Variants in RBFOX1 observed in about 807,000 individuals in gnomAD.
The protein encoded by RBFOX1 is RNA binding fox-1 homolog 1.
RBFOX1 carries 8 observed loss-of-function variants against 57.7 expected under a neutral mutation model. The observed-to-expected ratio is 0.14, with a 90% CI of 0.08 to 0.25. The LOEUF is 0.25. RBFOX1 is among the 10% of genes least tolerant of loss of function. The probability of loss-of-function intolerance (pLI) is 1.00; values close to 1 mark genes in which losing one functional copy is unlikely to be tolerated. For synonymous variants in RBFOX1, 326 were observed against 222.4 expected (o/e 1.47, Z -4.15); for missense variants, 611 against 548.5 (o/e 1.11, Z -1.14).
chr16:6,644,931 A>G (rs78256886), intron 2 of RBFOX1, among the ~76,000 whole-genome samples: 1,881 of 152,268 alleles, frequency 0.012, 39 homozygotes, highest in African/African-American at 0.043. Flanking sequence ...TTTATTTTCT[A>G]TGACTTCCGT....
At chr16:6,921,324 C>G (rs1036704921) in intron 3 of RBFOX1, among the ~76,000 whole-genome samples, 1 of 152,168 alleles carries the variant, frequency 6.6e-6, no homozygotes, top group East Asian at 1.9e-4. Flanking sequence ...TCACATGACT[C>G]CAGTGAACCT....
At chr16:7,631,050 A>G (rs1016763835) in intron 11 of RBFOX1, among the ~76,000 whole-genome samples, 3 of 152,222 alleles carry the variant, frequency 2.0e-5, no homozygotes, top group African/African-American at 7.2e-5. Flanking sequence ...CTTGCCTAGT[A>G]AAAGATGCTT....
intron 14 of RBFOX1, among the ~76,000 whole-genome samples, chr16:7,682,996 ATG>A (rs1491165202): frequency 3.6e-5 from 1 of 27,666 alleles, no homozygotes; most frequent in African/African-American, 1.2e-4. Flanking sequence ...TAATACTTCT[ATG>A]TGTGTGTGTG....
At chr16:7,131,769 G>A (rs2070479782) in intron 4 of RBFOX1, among the ~76,000 whole-genome samples, 1 of 151,996 alleles carries the variant, frequency 6.6e-6, no homozygotes, top group Non-Finnish European at 1.5e-5. Flanking sequence ...CTCTGAAGGA[G>A]CTTGATTTGG....
At chr16:7,552,573 G>T (rs989709564) in intron 5 of RBFOX1, among the ~76,000 whole-genome samples, 1 of 152,170 alleles carries the variant, frequency 6.6e-6, no homozygotes, top group Non-Finnish European at 1.5e-5. Context: ...TTCTTAATAT[G>T]TGCGGCAGAA....
At chr16:5,528,121 G>T (rs1273601223) in intron 2 of RBFOX1, among the ~76,000 whole-genome samples, 1 of 152,150 alleles carries the variant, frequency 6.6e-6, no homozygotes, top group African/African-American at 2.4e-5. Context: ...CATGATTTCA[G>T]AGTGTCTGAA....
chr16:6,872,615 C>G (rs2061134731), intron 3 of RBFOX1, among the ~76,000 whole-genome samples: 1 of 152,150 alleles, frequency 6.6e-6, no homozygotes, highest in South Asian at 2.1e-4. Context: ...TAATGTGCAA[C>G]TACTTTGAAT....
At chr16:7,220,146 C>T (rs55650105) in intron 4 of RBFOX1, among the ~76,000 whole-genome samples, 9,738 of 152,238 alleles carry the variant, frequency 0.064, 350 homozygotes, top group South Asian at 0.086. Flanking sequence ...CCCATCTCCC[C>T]TCCCCACTCC....
intron 2 of RBFOX1, among the ~76,000 whole-genome samples, chr16:6,601,765 A>G (rs931234124): frequency 3.2e-4 from 48 of 152,220 alleles, no homozygotes; most frequent in African/African-American, 1.2e-3. Context: ...GAAAAGATAT[A>G]GCTGAGTTTA....
chr16:7,463,711 C>T (rs1268534947), intron 4 of RBFOX1, among the ~76,000 whole-genome samples: 2 of 152,146 alleles, frequency 1.3e-5, no homozygotes, highest in Non-Finnish European at 2.9e-5. Flanking sequence ...GAGATTAGGG[C>T]ATGGGAATAT....
intron 3 of RBFOX1, among the ~76,000 whole-genome samples, chr16:5,806,677 C>G (rs148466701): frequency 3.3e-5 from 5 of 152,310 alleles, no homozygotes; most frequent in African/African-American, 9.6e-5. Context: ...ATTAAGGAAT[C>G]AGGTCTTTGC....
intron 3 of RBFOX1, among the ~76,000 whole-genome samples, chr16:6,899,146 C>T (rs1014491758): frequency 2.0e-5 from 3 of 150,544 alleles, no homozygotes; most frequent in Middle Eastern, 3.4e-3. Flanking sequence ...TGTGTATGGA[C>T]ACACGTGTAT....
chr16:6,846,540 C>G (rs923571766), intron 3 of RBFOX1, among the ~76,000 whole-genome samples: 55 of 152,254 alleles, frequency 3.6e-4, no homozygotes, highest in African/African-American at 1.3e-3. Context: ...GGGGAGGAAT[C>G]AAGGGAGCTG....
At chr16:5,574,903 G>A (rs954887898) in intron 2 of RBFOX1, among the ~76,000 whole-genome samples, 5 of 152,186 alleles carry the variant, frequency 3.3e-5, no homozygotes, top group African/African-American at 1.2e-4. Flanking sequence ...TGGCCGCCCA[G>A]ACACTGTGCT....
chr16:6,718,874 G>T (rs2154159482), intron 3 of RBFOX1, among the ~76,000 whole-genome samples: 1 of 151,920 alleles, frequency 6.6e-6, no homozygotes, highest in Admixed American at 6.6e-5. Flanking sequence ...GTTGTTGCTT[G>T]TTTTTTGAGA....
At chr16:5,407,800 C>A (rs908460499) in intron 1 of RBFOX1, among the ~76,000 whole-genome samples, 1 of 152,150 alleles carries the variant, frequency 6.6e-6, no homozygotes, top group Non-Finnish European at 1.5e-5. Context: ...CCAACTGCCC[C>A]GGCCTCCCAA....
intron 4 of RBFOX1, among the ~76,000 whole-genome samples, chr16:7,218,720 A>G (rs1203110431): frequency 7.7e-6 from 1 of 130,688 alleles, no homozygotes; most frequent in Non-Finnish European, 1.6e-5. Context: ...TTGGTAAGTC[A>G]TCTTAAAGTG....
At chr16:6,509,387 A>G (rs1303284835) in intron 2 of RBFOX1, among the ~76,000 whole-genome samples, 4 of 152,240 alleles carry the variant, frequency 2.6e-5, no homozygotes, top group Admixed American at 1.3e-4. Flanking sequence ...TTGCAACAAC[A>G]TAGATGGAAC....
At chr16:5,943,122 C>G (rs1386386697) in intron 4 of RBFOX1, among the ~76,000 whole-genome samples, 4 of 152,194 alleles carry the variant, frequency 2.6e-5, no homozygotes, top group Non-Finnish European at 5.9e-5. Context: ...GACCTCAGCA[C>G]CCAGACACAC....
Sources: gnomAD v4.1 joint callset for allele counts (sites outside exome capture counted in the v4.1 genomes callset) on GRCh38, gnomAD v4.1.1 for gene constraint, MANE v1.5 for transcripts, NCBI Gene and HGNC (gene_info 2026-07-23, HGNC 2026-07-21) for gene names.